ST6GALNAC5: variants seen among roughly 807,000 people sequenced by gnomAD.
ST6GALNAC5 encodes ST6 N-acetylgalactosaminide alpha-2,6-sialyltransferase 5, also known as alpha-N-acetylgalactosaminide alpha-2,6-sialyltransferase 5.
ST6GALNAC5 carries 27 observed loss-of-function variants against 33.6 expected under a neutral mutation model. The observed-to-expected ratio is 0.80, with a 90% CI of 0.59 to 1.11. The LOEUF is 1.11. ST6GALNAC5 is among the 50% of genes least tolerant of loss of function. ST6GALNAC5 has a pLI of 0.00. For synonymous variants in ST6GALNAC5, 194 were observed against 171.2 expected (o/e 1.13, Z -1.04); for missense variants, 428 against 454.0 (o/e 0.94, Z 0.52).
At chr1:76,898,704 T>C (rs1249797347) in intron 2 of ST6GALNAC5, among the ~76,000 whole-genome samples, 1 of 152,108 alleles carries the variant, frequency 6.6e-6, no homozygotes, top group Non-Finnish European at 1.5e-5. Flanking sequence ...CAGCCACCTT[T>C]TTAAGAGGAA....
At chr1:76,970,452 A>G (rs1048406031) in intron 2 of ST6GALNAC5, among the ~76,000 whole-genome samples, 13 of 151,936 alleles carry the variant, frequency 8.6e-5, no homozygotes, top group African/African-American at 2.7e-4. Flanking sequence ...AAGAAAAGGT[A>G]TCAGTGATTG....
chr1:76,872,971 A>T (rs1472696977), intron 2 of ST6GALNAC5, among the ~76,000 whole-genome samples: 1 of 152,228 alleles, frequency 6.6e-6, no homozygotes, highest in African/African-American at 2.4e-5. Flanking sequence ...TTATTAAAAT[A>T]CTTAACCTTC....
At chr1:77,045,638 C>A (rs908989954) in intron 3 of ST6GALNAC5, among the ~76,000 whole-genome samples, 2 of 152,066 alleles carry the variant, frequency 1.3e-5, no homozygotes, top group Non-Finnish European at 2.9e-5. Context: ...AGACCCAGGG[C>A]AATAAGTCTT....
chr1:76,922,230 G>A (rs761767169), intron 2 of ST6GALNAC5, among the ~76,000 whole-genome samples: 23 of 152,042 alleles, frequency 1.5e-4, no homozygotes, highest in Non-Finnish European at 3.2e-4. Flanking sequence ...TGAACATGTG[G>A]AAATAGAAAT....
intron 3 of ST6GALNAC5, among the ~76,000 whole-genome samples, chr1:77,047,849 A>G (rs1652067677): frequency 6.6e-6 from 1 of 152,266 alleles, no homozygotes; most frequent in African/African-American, 2.4e-5. Flanking sequence ...GTGTTACTTC[A>G]TCATATAAAA....
chr1:76,916,005 C>A (rs1219933035), intron 2 of ST6GALNAC5, among the ~76,000 whole-genome samples: 3 of 149,942 alleles, frequency 2.0e-5, no homozygotes, highest in Admixed American at 2.0e-4. Flanking sequence ...ATCTGGCCAT[C>A]TGCATTTTAA....
chr1:77,040,622 T>C (rs1651801121), intron 2 of ST6GALNAC5, among the ~76,000 whole-genome samples: 1 of 152,242 alleles, frequency 6.6e-6, no homozygotes, highest in Non-Finnish European at 1.5e-5. Context: ...GTGTTTCACC[T>C]GCCAACCAGT....
intron 2 of ST6GALNAC5, among the ~76,000 whole-genome samples, chr1:76,926,549 CAGAT>C (rs1647087004): frequency 6.6e-6 from 1 of 152,120 alleles, no homozygotes; most frequent in African/African-American, 2.4e-5. Context: ...TTTAAATGGA[CAGAT>C]AGATGTTCTA....
intron 1 of ST6GALNAC5, 72 bp downstream of exon 1, chr1:76,867,762 T>G (rs972398813): frequency 6.2e-7 from 1 of 1,611,234 alleles, no homozygotes; most frequent in Non-Finnish European, 8.5e-7. Flanking sequence ...GGACGCACCG[T>G]GGAGACTCCG....
chr1:76,870,869 A>G (rs1249067065), intron 2 of ST6GALNAC5, among the ~76,000 whole-genome samples: 1 of 152,236 alleles, frequency 6.6e-6, no homozygotes, highest in Non-Finnish European at 1.5e-5. Flanking sequence ...CACCACAAGC[A>G]AAGGAAGAAA....
chr1:76,983,934 G>A (rs1196390355), intron 2 of ST6GALNAC5, among the ~76,000 whole-genome samples: 1 of 152,156 alleles, frequency 6.6e-6, no homozygotes, highest in East Asian at 1.9e-4. Context: ...TGAAATGAAG[G>A]CAGAAATAAA....
intron 2 of ST6GALNAC5, among the ~76,000 whole-genome samples, chr1:77,001,987 G>C (rs1217594509): frequency 6.6e-6 from 1 of 152,096 alleles, no homozygotes. Flanking sequence ...TTTGCTATCA[G>C]GATGATGCTG....
intron 2 of ST6GALNAC5, among the ~76,000 whole-genome samples, chr1:76,894,697 C>T (rs1173032521): frequency 1.3e-5 from 2 of 152,142 alleles, no homozygotes; most frequent in East Asian, 3.8e-4. Context: ...TAAAATCCTA[C>T]CAAATACGTT....
At chr1:76,984,087 TC>T (rs1649377071) in intron 2 of ST6GALNAC5, among the ~76,000 whole-genome samples, 1 of 152,044 alleles carries the variant, frequency 6.6e-6, no homozygotes, top group Admixed American at 6.6e-5. Context: ...CACCCTAACA[TC>T]AAAATTAGAA....
At chr1:77,023,644 G>A (rs1414351645) in intron 2 of ST6GALNAC5, among the ~76,000 whole-genome samples, 4 of 152,190 alleles carry the variant, frequency 2.6e-5, no homozygotes, top group Non-Finnish European at 4.4e-5. Context: ...ACTGAAGGAG[G>A]CAGGAGCCTT....
chr1:77,061,552 G>T (rs563409958), intron 4 of ST6GALNAC5, among the ~76,000 whole-genome samples: 2 of 152,316 alleles, frequency 1.3e-5, no homozygotes, highest in African/African-American at 2.4e-5. Context: ...AAGATGATTT[G>T]CAAGATGCTG....
At chr1:76,913,984 C>T (rs1646941345) in intron 2 of ST6GALNAC5, among the ~76,000 whole-genome samples, 1 of 152,160 alleles carries the variant, frequency 6.6e-6, no homozygotes, top group African/African-American at 2.4e-5. Context: ...TGATAAGCAA[C>T]TTCAGCAAAG....
At chr1:76,924,634 G>T (rs1479629352) in intron 2 of ST6GALNAC5, among the ~76,000 whole-genome samples, 1 of 151,944 alleles carries the variant, frequency 6.6e-6, no homozygotes, top group Non-Finnish European at 1.5e-5. Context: ...TTTCATATAT[G>T]TACCAAAGTT....
chr1:76,895,934 G>A (rs890852549), intron 2 of ST6GALNAC5, among the ~76,000 whole-genome samples: 1 of 152,206 alleles, frequency 6.6e-6, no homozygotes, highest in African/African-American at 2.4e-5. Context: ...AAGGGAAAGT[G>A]GTAAAAGTAT....
Sources: allele counts gnomAD v4.1 joint callset (sites outside exome capture counted in the v4.1 genomes callset), GRCh38; gene constraint gnomAD v4.1.1; transcripts MANE v1.5; gene names NCBI Gene and HGNC (gene_info 2026-07-23, HGNC 2026-07-21).